VPS13A: variants seen among roughly 807,000 people sequenced by gnomAD.
VPS13A encodes the protein vacuolar protein sorting 13 homolog A.
In VPS13A, 264 loss-of-function variants were observed where a neutral mutation model predicts 390.9. That is an observed-to-expected ratio of 0.68 (90% CI 0.61 to 0.75). The LOEUF (loss-of-function observed/expected upper bound fraction) is 0.75, where lower values mean the gene tolerates loss of function less well. Ranked by LOEUF, VPS13A falls within the 30% of genes least tolerant of loss-of-function variation. The pLI is 0.00. For missense variants in VPS13A, 3,409 were observed against 3,733.9 expected, an observed-to-expected ratio of 0.91 and a Z score of 2.27; for synonymous variants, 1,231 against 1,227.1, an observed-to-expected ratio of 1.00 and a Z score of -0.07.
rs1399745738 is a variant in VPS13A, at chr9:77,282,294, A to G, written c.3118+20A>G. ...AATTAGGTATGTTTTTTAAAAATTT[A>G]GCATCAACTTTTTTTTTTTTTAACC... is the stretch of plus-strand genomic sequence containing the variant. On this transcript the variant is annotated intron_variant, in intron 29 of 71. Transcript: ENST00000360280. The G allele has an allele frequency of 2.2e-5, 36 of 1,602,826 alleles. No homozygotes were observed. Among genetic ancestry groups the G allele is most frequent in the Middle Eastern group, 2.0e-4 (1 of 5,096 alleles).
chr9:77,336,601 C>A (rs981203494), intron 46 of VPS13A, among the ~76,000 whole-genome samples: 6 of 151,550 alleles, frequency 4.0e-5, no homozygotes, highest in African/African-American at 4.8e-5. Flanking sequence ...AAGCCAAATT[C>A]TTTCAGTTAT....
intron 34 of VPS13A, among the ~76,000 whole-genome samples, chr9:77,303,837 C>T (rs942933938): frequency 1.3e-5 from 2 of 152,152 alleles, no homozygotes; most frequent in African/African-American, 4.8e-5. Context: ...GTCTCGCCTC[C>T]CACCATAGGG....
intron 68 of VPS13A, among the ~76,000 whole-genome samples, chr9:77,392,608 G>C (rs1833941106): frequency 6.6e-6 from 1 of 151,926 alleles, no homozygotes; most frequent in South Asian, 2.1e-4. Flanking sequence ...CCAGAATAAA[G>C]CGAATATGGC....
At chr9:77,329,124 A>G (rs1489665048) in intron 45 of VPS13A, among the ~76,000 whole-genome samples, 1 of 152,126 alleles carries the variant, frequency 6.6e-6, no homozygotes, top group East Asian at 1.9e-4. Flanking sequence ...CCCTTGACAC[A>G]TGGGGATTGT....
rs565708868 is a variant in VPS13A at position 77,351,832 on chromosome 9, G to A, written c.7419+386G>A. Reference sequence around the variant, plus strand: ...TGCAGTGAGCCAAGATCACGCCACTGCACTCCAGCCTGGCGACAGAGCAAG... The same window carrying A: ...TGCAGTGAGCCAAGATCACGCCACTACACTCCAGCCTGGCGACAGAGCAAG... On this transcript the variant is annotated intron_variant, in intron 53 of 71. Coordinates refer to ENST00000360280, the MANE Select transcript of VPS13A (RefSeq NM_033305.3). 1.8e-3 allele frequency among the ~76,000 whole-genome samples: 280 copies of A among 152,210 alleles called. 1 individual carries two copies. Among genetic ancestry groups the A allele is most frequent in the African/African-American group, 6.4e-3 (264 of 41,536 alleles).
chr9:77,298,415 C>A (rs1394174685), intron 33 of VPS13A, among the ~76,000 whole-genome samples: 1 of 152,070 alleles, frequency 6.6e-6, no homozygotes, highest in Non-Finnish European at 1.5e-5. Flanking sequence ...GAAAGAGGAA[C>A]CCTCAAAAGA....
chr9:77,410,502 A>T (rs1834867717), intron 71 of VPS13A, among the ~76,000 whole-genome samples: 1 of 152,040 alleles, frequency 6.6e-6, no homozygotes, highest in Non-Finnish European at 1.5e-5. Context: ...CAGACTGGCA[A>T]ATTGGATAGA....
At chr9:77,360,230 T>C (rs943886499) in intron 58 of VPS13A, among the ~76,000 whole-genome samples, 1 of 152,156 alleles carries the variant, frequency 6.6e-6, no homozygotes, top group Non-Finnish European at 1.5e-5. Context: ...TCATTCAACA[T>C]TTTTATTAAA....
chr9:77,178,331 T>C (rs917999745), intron 1 of VPS13A, among the ~76,000 whole-genome samples: 2 of 152,214 alleles, frequency 1.3e-5, no homozygotes, highest in African/African-American at 4.8e-5. Flanking sequence ...CCTCAATTCC[T>C]GGCTTCACCC....
chr9:77,258,150 T>A (rs187736349), intron 22 of VPS13A, among the ~76,000 whole-genome samples: 56 of 152,304 alleles, frequency 3.7e-4, no homozygotes, highest in African/African-American at 1.3e-3. Flanking sequence ...TTTAACTTCT[T>A]CCTTGTAACA....
At chr9:77,278,460 A>T (rs1826825263) in intron 26 of VPS13A, among the ~76,000 whole-genome samples, 1 of 152,168 alleles carries the variant, frequency 6.6e-6, no homozygotes, top group African/African-American at 2.4e-5. Context: ...AAAAGAGTAT[A>T]CAATTATTAT....
At chr9:77,246,217 CAG>C (rs1257881995) in intron 19 of VPS13A, among the ~76,000 whole-genome samples, 2 of 152,118 alleles carry the variant, frequency 1.3e-5, no homozygotes, top group African/African-American at 4.8e-5. Flanking sequence ...ATATTTAAAA[CAG>C]AAGGTATTTT....
rs940024605 is a variant in VPS13A at position 77,418,769 on chromosome 9, C to G, written c.*2763C>G. ...ACGTGATATTTTCTATCATAATTAT[C>G]TCTCTCATTTCTTCCAATAGTAATA... On this transcript the variant is annotated 3_prime_UTR_variant, in exon 72 of 72. Coordinates refer to ENST00000360280, the MANE Select transcript of VPS13A (RefSeq NM_033305.3). 6.6e-6 allele frequency: 1 copy of G among 152,210 alleles called. No individual in the cohort carries two copies. Among genetic ancestry groups the G allele is most frequent in the Non-Finnish European group, 1.5e-5 (1 of 68,030 alleles). 9.4% of individuals were successfully genotyped at this position (152,210 alleles called of 1,614,324 possible).
chr9:77,202,053 T>C (rs569562768), intron 3 of VPS13A, among the ~76,000 whole-genome samples: 1 of 152,146 alleles, frequency 6.6e-6, no homozygotes, highest in Non-Finnish European at 1.5e-5. Context: ...ATATTTTTGT[T>C]ATATAGATAG....
intron 33 of VPS13A, among the ~76,000 whole-genome samples, chr9:77,296,151 G>C (rs1408274982): frequency 6.6e-6 from 1 of 152,170 alleles, no homozygotes. Context: ...TGGAAAAAAT[G>C]AGGAATTTCT....
chr9:77,371,046 G>A lies in VPS13A; in HGVS notation c.8974G>A (p.Ala2992Thr), dbSNP rs1268754905. The A allele has an allele frequency of 5.0e-6, 8 of 1,614,066 alleles. No individual in the cohort carries two copies. The highest frequency in any genetic ancestry group is 5.9e-6 in the Non-Finnish European group (7 of 1,180,030). The stretch of plus-strand genomic sequence containing the variant: ...TCCAGGAGCTCAAAAAGGAGGAGCA[G>A]CTGGTTTCTTTAAAGGTGTTGGGAA... The part of the protein sequence containing the change: ...PIKGAQKGGA[A>T]GFFKGVGKGL... Residue 2992 changes from alanine to threonine, a missense_variant, in exon 67 of 72, where the codon GCT becomes ACT. Coordinates refer to ENST00000360280, the MANE Select transcript of VPS13A (RefSeq NM_033305.3).
intron 21 of VPS13A, among the ~76,000 whole-genome samples, chr9:77,250,438 T>G (rs1825090772): frequency 6.6e-6 from 1 of 152,150 alleles, no homozygotes; most frequent in African/African-American, 2.4e-5. Context: ...TCTTTGGTTG[T>G]CACAGGTAGA....
Position 77,353,439 on chromosome 9 carries a change from A to G in VPS13A, c.7450A>G (p.Lys2484Glu). 1 of 1,611,972 alleles carries G rather than the reference A, an allele frequency of 6.2e-7. No homozygotes were observed. ...DMMMPIDLGEKTIYLVSFFEG... is the reference protein window; with the variant it reads ...DMMMPIDLGEETIYLVSFFEG... The stretch of plus-strand genomic sequence containing the variant: ...GATGATGCCTATAGATTTGGGGGAA[A>G]AGACAATATATTTAGTTTCATTCTT... The change falls in exon 54 of 72, where the codon AAG becomes GAG. Residue 2484 changes from lysine to glutamate, a missense_variant. Lys to Glu is a moderately conservative substitution (Grantham distance 56). Around this residue, in one of 5 missense-constraint regions of VPS13A, gnomAD observed 2,717 missense variants for 2,917.4 expected, o/e 0.93. Transcript: ENST00000360280.
At position 77,318,395 on chromosome 9, in the gene VPS13A, C is replaced by G. The variant is rs1829530173; in HGVS notation, c.5117C>G (p.Thr1706Ser). The G allele has an allele frequency of 6.2e-7, 1 of 1,613,622 alleles. No homozygotes were observed. Among genetic ancestry groups the G allele is most frequent in the Non-Finnish European group, 8.5e-7 (1 of 1,179,868 alleles). Residue 1706 changes from threonine to serine, a missense_variant, in exon 41 of 72, where the codon ACT (threonine) becomes AGT (serine). Physicochemically the swap from Thr to Ser is moderately conservative, Grantham distance 58. Coordinates refer to ENST00000360280, the MANE Select transcript of VPS13A (RefSeq NM_033305.3). ...KMWFLEESNETEKIAPTTELV... is the reference protein window; with the variant it reads ...KMWFLEESNESEKIAPTTELV... Reference sequence around the variant, plus strand: ...TGGTTTCTTGAAGAATCAAATGAAACTGAAAAAATAGCTCCCACAACTGAA... The same window carrying G: ...TGGTTTCTTGAAGAATCAAATGAAAGTGAAAAAATAGCTCCCACAACTGAA...
Sources: gnomAD v4.1 joint callset for allele counts (sites outside exome capture counted in the v4.1 genomes callset) on GRCh38, gnomAD v4.1.1 for gene constraint, gnomAD v4.1.1 regional missense constraint, MANE v1.5 for transcripts, NCBI Gene and HGNC (gene_info 2026-07-23, HGNC 2026-07-21) for gene names.